DIAPH3: variants seen among roughly 807,000 people sequenced by gnomAD.
The protein encoded by DIAPH3 is protein diaphanous homolog 3.
A neutral mutation model predicts 144.3 loss-of-function variants in DIAPH3; 117 were observed. That is an observed-to-expected ratio of 0.81 (90% CI 0.70 to 0.95). The LOEUF is 0.95. Ranked by LOEUF, DIAPH3 falls within the 40% of genes least tolerant of loss-of-function variation. DIAPH3 has a pLI of 0.00. For synonymous variants in DIAPH3, 519 were observed against 488.9 expected (o/e 1.06, Z -0.81); for missense variants, 1,421 against 1,412.7 (o/e 1.01, Z -0.09).
chr13:60,005,541 C>T (rs1243493703), intron 9 of DIAPH3, among the ~76,000 whole-genome samples: 4 of 152,062 alleles, frequency 2.6e-5, no homozygotes, highest in Non-Finnish European at 5.9e-5. Context: ...AGTGCAGTGG[C>T]ATGTTCTCAA....
At chr13:59,983,199 C>A (rs1323012916) in intron 13 of DIAPH3, among the ~76,000 whole-genome samples, 3 of 109,720 alleles carry the variant, frequency 2.7e-5, no homozygotes, top group African/African-American at 7.0e-5. Flanking sequence ...TGAGTCATTC[C>A]AAGTTTAAAA....
intron 19 of DIAPH3, among the ~76,000 whole-genome samples, chr13:59,914,791 C>T (rs2047150754): frequency 6.6e-6 from 1 of 152,140 alleles, no homozygotes; most frequent in Non-Finnish European, 1.5e-5. Context: ...CGAAAAGAAA[C>T]ACAGGTCATT....
intron 25 of DIAPH3, among the ~76,000 whole-genome samples, chr13:59,806,324 G>A (rs2040189306): frequency 6.6e-6 from 1 of 151,838 alleles, no homozygotes; most frequent in Non-Finnish European, 1.5e-5. Context: ...TATAACACCT[G>A]CGAAGAAAAA....
At chr13:59,930,734 A>G (rs1194081897) in intron 17 of DIAPH3, among the ~76,000 whole-genome samples, 1 of 152,206 alleles carries the variant, frequency 6.6e-6, no homozygotes, top group East Asian at 1.9e-4. Flanking sequence ...CAGGATAACT[A>G]TATTTTAGGA....
chr13:59,992,801 AAG>A (rs1373497157), intron 9 of DIAPH3, among the ~76,000 whole-genome samples: 1 of 151,158 alleles, frequency 6.6e-6, no homozygotes, highest in Non-Finnish European at 1.5e-5. Flanking sequence ...AGGTGAAAGG[AAG>A]ATGGAAAAAT....
chr13:59,856,974 G>A (rs147099468), intron 22 of DIAPH3, among the ~76,000 whole-genome samples: 144 of 150,084 alleles, frequency 9.6e-4, no homozygotes, highest in African/African-American at 2.7e-3. Context: ...ATAATATATC[G>A]TACACAAATT....
intron 5 of DIAPH3, among the ~76,000 whole-genome samples, chr13:60,029,035 G>A (rs2054591299): frequency 6.8e-6 from 1 of 147,820 alleles, no homozygotes; most frequent in South Asian, 2.2e-4. Flanking sequence ...CTCCAGTCTG[G>A]TGACAGAGCA....
At chr13:59,711,842 A>G (rs370924243) in intron 27 of DIAPH3, among the ~76,000 whole-genome samples, 1 of 152,196 alleles carries the variant, frequency 6.6e-6, no homozygotes, top group African/African-American at 2.4e-5. Context: ...AAATTGTTGC[A>G]CGAATAAATA....
At chr13:60,035,817 G>T (rs2055171986) in intron 5 of DIAPH3, among the ~76,000 whole-genome samples, 1 of 151,990 alleles carries the variant, frequency 6.6e-6, no homozygotes, top group Non-Finnish European at 1.5e-5. Flanking sequence ...CCTTTAAGAG[G>T]TACAAGTAGG....
At chr13:59,803,595 GA>G (rs1238621682) in intron 25 of DIAPH3, among the ~76,000 whole-genome samples, 5 of 151,970 alleles carry the variant, frequency 3.3e-5, no homozygotes, top group East Asian at 3.9e-4. Context: ...AAAGACAAAA[GA>G]AAAAAATAAT....
chr13:59,760,384 ATAT>A (rs141395358), intron 27 of DIAPH3, among the ~76,000 whole-genome samples: 175 of 152,326 alleles, frequency 1.1e-3, no homozygotes, highest in African/African-American at 4.1e-3. Flanking sequence ...CAGAGTAACT[ATAT>A]TAATAAGATG....
At chr13:59,714,248 T>C (rs1419970569) in intron 27 of DIAPH3, among the ~76,000 whole-genome samples, 2 of 146,770 alleles carry the variant, frequency 1.4e-5, no homozygotes, top group African/African-American at 5.1e-5. Flanking sequence ...TAGTCCCAGC[T>C]ACTTGGGAGG....
At chr13:59,836,673 ATTGAT>A (rs906201003) in intron 23 of DIAPH3, among the ~76,000 whole-genome samples, 4 of 151,936 alleles carry the variant, frequency 2.6e-5, no homozygotes, top group East Asian at 1.9e-4. Context: ...AATTCAATTA[ATTGAT>A]TTAACAGTTC....
At chr13:60,161,618 A>G (rs537067775) in intron 1 of DIAPH3, among the ~76,000 whole-genome samples, 7 of 152,364 alleles carry the variant, frequency 4.6e-5, no homozygotes, top group Admixed American at 3.3e-4. Flanking sequence ...GCATCTCTGG[A>G]ATCCTACAGG....
intron 27 of DIAPH3, among the ~76,000 whole-genome samples, chr13:59,740,754 TGATCTATATTA>T (rs1164164131): frequency 6.6e-6 from 1 of 152,188 alleles, no homozygotes; most frequent in East Asian, 1.9e-4. Context: ...TAGAATCACT[TGATCTATATTA>T]GAGAAAAAAT....
intron 18 of DIAPH3, among the ~76,000 whole-genome samples, chr13:59,924,004 G>A (rs2047640782): frequency 6.6e-6 from 1 of 152,148 alleles, no homozygotes; most frequent in Non-Finnish European, 1.5e-5. Flanking sequence ...GTTGAGGCAT[G>A]TAATAATTGA....
At chr13:60,136,289 C>A (rs1383289592) in intron 1 of DIAPH3, among the ~76,000 whole-genome samples, 1 of 152,128 alleles carries the variant, frequency 6.6e-6, no homozygotes, top group African/African-American at 2.4e-5. Flanking sequence ...CAGCAATGCT[C>A]TTTACTGTCT....
At chr13:59,781,488 A>G (rs2038733368) in intron 25 of DIAPH3, among the ~76,000 whole-genome samples, 1 of 152,224 alleles carries the variant, frequency 6.6e-6, no homozygotes, top group Non-Finnish European at 1.5e-5. Context: ...ACAAGAGAGC[A>G]AAGTGGCAAA....
At chr13:59,881,550 T>C (rs1566460641) in intron 20 of DIAPH3, among the ~76,000 whole-genome samples, 1 of 152,134 alleles carries the variant, frequency 6.6e-6, no homozygotes, top group Non-Finnish European at 1.5e-5. Context: ...AATGCCTACA[T>C]TATACCACCC....
Sources: gnomAD v4.1 joint callset for allele counts (sites outside exome capture counted in the v4.1 genomes callset) on GRCh38, gnomAD v4.1.1 for gene constraint, MANE v1.5 for transcripts, NCBI Gene and HGNC (gene_info 2026-07-23, HGNC 2026-07-21) for gene names.